The following RANBP2 variants were observed in gnomAD, a reference collection of about 807,000 sequenced individuals.
RANBP2 encodes the protein RAN binding protein 2.
Under a neutral mutation model 303.6 loss-of-function variants are expected in RANBP2, and 57 were observed. That is an observed-to-expected ratio of 0.19 (90% CI 0.15 to 0.23). RANBP2 has a LOEUF of 0.23. Among genes scored for constraint, RANBP2 ranks in the 10% least tolerant of loss-of-function variants. The pLI is 1.00. For missense variants in RANBP2, 3,138 were observed against 3,780.8 expected (o/e 0.83, Z 4.46); for synonymous variants, 1,167 against 1,301.5 (o/e 0.90, Z 2.23).
At chr2:109,187,783 G>C in the RANBP2 span, among the ~76,000 whole-genome samples, 2 of 152,196 alleles carry the variant, frequency 1.3e-5, no homozygotes, top group African/African-American at 4.8e-5. Context: ...ACACAGGTGG[G>C]CTTGCTTCCG....
chr2:108,840,674 C>G, the RANBP2 span, among the ~76,000 whole-genome samples: 1 of 151,968 alleles, frequency 6.6e-6, no homozygotes, highest in Non-Finnish European at 1.5e-5. Context: ...AGCATTATTT[C>G]CTTCTTGATA....
chr2:108,870,982 A>G, the RANBP2 span, among the ~76,000 whole-genome samples: 1 of 152,228 alleles, frequency 6.6e-6, no homozygotes, highest in African/African-American at 2.4e-5. Flanking sequence ...TTTAACACCA[A>G]TTTAAAGAAT....
At chr2:109,315,084 A>ACAT in the RANBP2 span, among the ~76,000 whole-genome samples, 3 of 152,268 alleles carry the variant, frequency 2.0e-5, no homozygotes, top group African/African-American at 7.2e-5. Flanking sequence ...ATCAGTGCAG[A>ACAT]AAGTTCCACT....
At chr2:109,212,769 G>A in the RANBP2 span, among the ~76,000 whole-genome samples, 15 of 152,250 alleles carry the variant, frequency 9.9e-5, no homozygotes, top group East Asian at 2.3e-3. Flanking sequence ...TCCCCCACCC[G>A]TCAGTTCCCT....
chr2:109,685,037 A>G, the RANBP2 span, among the ~76,000 whole-genome samples: 1 of 150,442 alleles, frequency 6.6e-6, no homozygotes, highest in African/African-American at 2.5e-5. Context: ...TCATGCCTGG[A>G]TAATTTTTGT....
chr2:109,685,994 A>G, the RANBP2 span, among the ~76,000 whole-genome samples: 1 of 152,228 alleles, frequency 6.6e-6, no homozygotes. Context: ...AATTTCACAG[A>G]ACAGTTATTT....
the RANBP2 span, among the ~76,000 whole-genome samples, chr2:109,576,818 TTAAGAG>T: frequency 2.0e-5 from 3 of 152,110 alleles, no homozygotes; most frequent in East Asian, 1.9e-4. Context: ...ATCAGAGCGA[TTAAGAG>T]TAAAAGACAC....
the RANBP2 span, among the ~76,000 whole-genome samples, chr2:109,145,770 A>G: frequency 6.6e-6 from 1 of 152,156 alleles, no homozygotes; most frequent in Non-Finnish European, 1.5e-5. Context: ...GGAACCCAGG[A>G]GCAGTATTGG....
chr2:108,914,962 G>C, the RANBP2 span, among the ~76,000 whole-genome samples: 8 of 152,228 alleles, frequency 5.3e-5, no homozygotes, highest in African/African-American at 1.9e-4. Flanking sequence ...ACCCAGGCTG[G>C]AGTGCAGTGG....
the RANBP2 span, chr2:108,923,474 A>C: frequency 6.2e-7 from 1 of 1,611,492 alleles, no homozygotes; most frequent in Non-Finnish European, 8.5e-7. Flanking sequence ...GAGACAAGAC[A>C]AAACAGAGAC....
chr2:108,793,739 G>A, the RANBP2 span, among the ~76,000 whole-genome samples: 3 of 151,896 alleles, frequency 2.0e-5, no homozygotes, highest in Admixed American at 6.6e-5. Flanking sequence ...TGGGACTACA[G>A]GCACCCGCCA....
chr2:109,142,046 G>T, the RANBP2 span, among the ~76,000 whole-genome samples: 2 of 151,580 alleles, frequency 1.3e-5, no homozygotes, highest in East Asian at 1.9e-4. Context: ...AGTCTCCTGG[G>T]GGGGGGGTCT....
chr2:109,588,647 C>T, the RANBP2 span, among the ~76,000 whole-genome samples: 19 of 152,048 alleles, frequency 1.2e-4, no homozygotes, highest in South Asian at 3.9e-3. Flanking sequence ...GCGCCCACCA[C>T]GCCTGGCTAA....
the RANBP2 span, among the ~76,000 whole-genome samples, chr2:109,705,915 AAC>A: frequency 1.1e-3 from 163 of 152,310 alleles, 1 homozygote; most frequent in Non-Finnish European, 7.2e-4. Context: ...CACAAAAAAT[AAC>A]AGTTTCCACC....
the RANBP2 span, among the ~76,000 whole-genome samples, chr2:109,571,273 A>G: frequency 6.6e-6 from 1 of 152,234 alleles, no homozygotes; most frequent in African/African-American, 2.4e-5. Context: ...CTTTATAGCA[A>G]TGCGAGAACG....
chr2:109,616,332 T>A, the RANBP2 span: 1 of 309,856 alleles, frequency 3.2e-6, no homozygotes, highest in Non-Finnish European at 6.0e-6. Context: ...TAGAAATGTA[T>A]CTAAATTGGG....
chr2:109,589,509 G>T, the RANBP2 span, among the ~76,000 whole-genome samples: 1 of 151,920 alleles, frequency 6.6e-6, no homozygotes, highest in Non-Finnish European at 1.5e-5. Context: ...CAGCCTGGAA[G>T]ACAGAGCAAG....
At chr2:109,030,707 T>C in the RANBP2 span, among the ~76,000 whole-genome samples, 1 of 152,172 alleles carries the variant, frequency 6.6e-6, no homozygotes, top group East Asian at 1.9e-4. Context: ...TTGGTTTATA[T>C]AACCCACTTC....
At position 108,755,209 on chromosome 2, in the gene RANBP2, G is replaced by A. The variant is rs906064531; in HGVS notation, c.2416G>A (p.Asp806Asn). The change falls in exon 17 of 29, where the codon GAT becomes AAT. Residue 806 changes from aspartate to asparagine, a missense_variant. Asp to Asn is a conservative substitution (Grantham distance 23). This residue lies in a region of RANBP2 where 194 missense variants were observed against 197.4 expected (regional missense o/e 0.98). Coordinates refer to ENST00000283195, the MANE Select transcript of RANBP2 (RefSeq NM_006267.5). ...SPKTPPRWAE[D>N]QNSLLKMICQ... The stretch of plus-strand genomic sequence containing the variant: ...CAAAACACCACCTCGATGGGCAGAA[G>A]ATCAGAATTCTTTACTGAAAATGAT... 3.1e-6 allele frequency: 5 copies of A among 1,611,700 alleles called. No homozygotes were observed. Among genetic ancestry groups the A allele is most frequent in the Middle Eastern group, 2.2e-4 (1 of 4,450 alleles).
Sources: gnomAD v4.1 joint callset for allele counts (sites outside exome capture counted in the v4.1 genomes callset) on GRCh38, gnomAD v4.1.1 for gene constraint, gnomAD v4.1.1 regional missense constraint, MANE v1.5 for transcripts, NCBI Gene and HGNC (gene_info 2026-07-23, HGNC 2026-07-21) for gene names.